MAP2: variants seen among roughly 807,000 people sequenced by gnomAD.
MAP2 encodes the protein microtubule associated protein 2.
MAP2 carries 14 observed loss-of-function variants against 137.6 expected under a neutral mutation model. That is an observed-to-expected ratio of 0.10 (90% CI 0.07 to 0.16). The LOEUF (loss-of-function observed/expected upper bound fraction) is 0.16, where lower values mean the gene tolerates loss of function less well. MAP2 is among the 10% of genes least tolerant of loss of function. MAP2 has a pLI of 1.00. For missense variants in MAP2, 2,088 were observed against 2,191.5 expected (o/e 0.95, Z 0.94); for synonymous variants, 786 against 782.3 (o/e 1.00, Z -0.08).
chr2:209,620,604 C>T (rs564865596), intron 3 of MAP2, among the ~76,000 whole-genome samples: 86 of 152,260 alleles, frequency 5.6e-4, no homozygotes, highest in African/African-American at 1.9e-3. Context: ...ATAATAAGCA[C>T]ATTAGGGAGT....
At chr2:209,533,364 C>G (rs763531565) in intron 2 of MAP2, among the ~76,000 whole-genome samples, 3 of 152,148 alleles carry the variant, frequency 2.0e-5, no homozygotes, top group African/African-American at 4.8e-5. Context: ...AGGCTGGTCT[C>G]GAATTCCTGA....
chr2:209,541,171 C>T (rs2066966220), intron 2 of MAP2, among the ~76,000 whole-genome samples: 1 of 151,044 alleles, frequency 6.6e-6, no homozygotes, highest in Admixed American at 6.6e-5. Flanking sequence ...GCTGGGATTA[C>T]AGGCACCTGC....
At chr2:209,631,798 C>A (rs2093083422) in intron 4 of MAP2, among the ~76,000 whole-genome samples, 2 of 152,090 alleles carry the variant, frequency 1.3e-5, no homozygotes, top group African/African-American at 4.8e-5. Flanking sequence ...AGTCTCTGTT[C>A]TATAAAGCAT....
chr2:209,435,061 T>C (rs28610349), intron 1 of MAP2, among the ~76,000 whole-genome samples: 83,914 of 149,052 alleles, frequency 0.56, 25,422 homozygotes, highest in African/African-American at 0.79. Context: ...TTACTAAGCA[T>C]CAAATATAAA....
At chr2:209,674,359 T>G (rs1391360915) in intron 5 of MAP2, among the ~76,000 whole-genome samples, 2 of 151,804 alleles carry the variant, frequency 1.3e-5, no homozygotes, top group African/African-American at 4.8e-5. Flanking sequence ...CCAGGCCTGT[T>G]ATATAATTAT....
intron 4 of MAP2, among the ~76,000 whole-genome samples, chr2:209,634,080 A>G (rs1037497731): frequency 6.6e-6 from 1 of 152,160 alleles, no homozygotes; most frequent in African/African-American, 2.4e-5. Flanking sequence ...GGAGAAGGGC[A>G]TGAAGAGAGA....
At chr2:209,442,027 A>T (rs1370272366) in intron 1 of MAP2, among the ~76,000 whole-genome samples, 1 of 151,590 alleles carries the variant, frequency 6.6e-6, no homozygotes, top group Admixed American at 6.6e-5. Context: ...TATATTAATT[A>T]TTGGACAAAC....
chr2:209,430,023 T>C (rs1693815169), intron 1 of MAP2, among the ~76,000 whole-genome samples: 1 of 151,986 alleles, frequency 6.6e-6, no homozygotes, highest in Admixed American at 6.6e-5. Context: ...GTCTACCTTT[T>C]TGAGCAAAAT....
intron 1 of MAP2, among the ~76,000 whole-genome samples, chr2:209,496,275 A>G (rs1322037317): frequency 2.0e-5 from 3 of 152,296 alleles, no homozygotes; most frequent in Non-Finnish European, 2.9e-5. Flanking sequence ...GACCCAGAGC[A>G]GCCCACAGTC....
intron 3 of MAP2, among the ~76,000 whole-genome samples, chr2:209,595,671 C>A (rs192340846): frequency 1.2e-4 from 18 of 152,156 alleles, no homozygotes; most frequent in African/African-American, 4.1e-4. Context: ...ATGTTTATTG[C>A]GGCCCTATTC....
intron 3 of MAP2, among the ~76,000 whole-genome samples, chr2:209,621,382 C>T (rs1313870746): frequency 1.3e-5 from 2 of 150,292 alleles, no homozygotes; most frequent in African/African-American, 4.9e-5. Flanking sequence ...CCTCAGCTTC[C>T]TGAGTAGCTG....
At chr2:209,577,998 CAAG>C (rs548109637) in intron 2 of MAP2, among the ~76,000 whole-genome samples, 66 of 152,242 alleles carry the variant, frequency 4.3e-4, no homozygotes, top group African/African-American at 1.5e-3. Flanking sequence ...GTAGCAAATA[CAAG>C]AAGGTTTAAA....
At chr2:209,685,687 CT>C (rs1457821938) in intron 7 of MAP2, among the ~76,000 whole-genome samples, 2 of 152,080 alleles carry the variant, frequency 1.3e-5, no homozygotes, top group African/African-American at 4.8e-5. Context: ...TTGTGTTGTT[CT>C]TTTTGTTGTT....
At chr2:209,551,595 T>A (rs747496740) in intron 2 of MAP2, among the ~76,000 whole-genome samples, 4 of 152,202 alleles carry the variant, frequency 2.6e-5, no homozygotes, top group South Asian at 2.1e-4. Context: ...ATGCTATTTA[T>A]TTTCAGGATT....
intron 1 of MAP2, among the ~76,000 whole-genome samples, chr2:209,488,749 C>T (rs1358858661): frequency 6.6e-6 from 1 of 152,184 alleles, no homozygotes; most frequent in Non-Finnish European, 1.5e-5. Context: ...TTCCTCCTCT[C>T]TAGCCAGGGC....
chr2:209,427,734 G>T (rs1026371768), intron 1 of MAP2, among the ~76,000 whole-genome samples: 3 of 151,818 alleles, frequency 2.0e-5, no homozygotes, highest in African/African-American at 7.3e-5. Context: ...TTCAATTGCA[G>T]AAAATGATTC....
At chr2:209,578,265 T>G (rs540829233) in intron 2 of MAP2, among the ~76,000 whole-genome samples, 6 of 152,280 alleles carry the variant, frequency 3.9e-5, no homozygotes, top group Admixed American at 3.3e-4. Flanking sequence ...GTAGCAGAAT[T>G]GATCTCATAC....
At chr2:209,607,171 A>C (rs932822878) in intron 3 of MAP2, among the ~76,000 whole-genome samples, 2 of 152,190 alleles carry the variant, frequency 1.3e-5, no homozygotes, top group African/African-American at 4.8e-5. Flanking sequence ...CCATATAACC[A>C]TTGGATACTA....
chr2:209,585,856 G>A (rs76406287), intron 3 of MAP2, among the ~76,000 whole-genome samples: 1,552 of 152,196 alleles, frequency 0.01, 13 homozygotes, highest in Non-Finnish European at 0.014. Context: ...AATGAGCCTC[G>A]GCTTTCCTCC....
Sources: gnomAD v4.1 joint callset for allele counts (sites outside exome capture counted in the v4.1 genomes callset) on GRCh38, gnomAD v4.1.1 for gene constraint, MANE v1.5 for transcripts, NCBI Gene and HGNC (gene_info 2026-07-23, HGNC 2026-07-21) for gene names.